Variants in GPR158 observed in about 807,000 individuals in gnomAD.
GPR158 encodes G protein-coupled receptor 158, also known as metabotropic glycine receptor.
In GPR158, 30 loss-of-function variants were observed where a neutral mutation model predicts 78.2. The ratio of observed to expected loss-of-function variants is 0.38; its 90% CI spans 0.29 to 0.52. The LOEUF (loss-of-function observed/expected upper bound fraction) is 0.52, where lower values mean the gene tolerates loss of function less well. GPR158 is among the 20% of genes least tolerant of loss of function. The pLI, the probability that GPR158 is intolerant of heterozygous loss-of-function variation, is 0.83. For synonymous variants in GPR158, 581 were observed against 591.1 expected (o/e 0.98, Z 0.25); for missense variants, 1,463 against 1,523.5 (o/e 0.96, Z 0.66).
In GPR158 at chr10:25,601,164, TTCA is replaced by T. The variant is rs1332252429; in HGVS notation, c.*1897_*1899del. The T allele has an allele frequency of 6.6e-6, 1 of 152,618 alleles. No individual in the cohort carries two copies. Among genetic ancestry groups the T allele is most frequent in the African/African-American group, 2.4e-5 (1 of 41,448 alleles). 9.5% of individuals were successfully genotyped at this position (152,618 alleles called of 1,614,324 possible). A position where few individuals can be genotyped will look rare whatever the true frequency, so the allele number is the denominator to read the frequency against. Reference sequence around the variant, plus strand: ...GAAGGTAAAAACAGAATTCTCCATATTCATCATCAAATTTTTCTCAGTGATTTT... The same window carrying T: ...GAAGGTAAAAACAGAATTCTCCATATTCATCAAATTTTTCTCAGTGATTTT... On this transcript the variant is annotated 3_prime_UTR_variant, in exon 11 of 11. Coordinates refer to ENST00000376351, the MANE Select transcript of GPR158 (RefSeq NM_020752.3).
At chr10:25,449,799 C>T (rs542359549) in intron 4 of GPR158, among the ~76,000 whole-genome samples, 1 of 152,228 alleles carries the variant, frequency 6.6e-6, no homozygotes, top group South Asian at 2.1e-4. Flanking sequence ...AGCCCTTCCT[C>T]AATGTATACA....
intron 2 of GPR158, among the ~76,000 whole-genome samples, chr10:25,294,255 A>G (rs578033): frequency 0.54 from 82,703 of 151,932 alleles, 23,498 homozygotes; most frequent in Non-Finnish European, 0.64. Flanking sequence ...TTTCTTTCAA[A>G]TAAAACATCT....
intron 5 of GPR158, among the ~76,000 whole-genome samples, chr10:25,541,882 G>A (rs997265994): frequency 4.1e-5 from 6 of 147,882 alleles, no homozygotes; most frequent in Non-Finnish European, 7.4e-5. Context: ...AGCAACTCTG[G>A]AAAATATTTG....
chr10:25,533,374 C>T (rs1836450849), intron 5 of GPR158, among the ~76,000 whole-genome samples: 2 of 152,160 alleles, frequency 1.3e-5, no homozygotes, highest in African/African-American at 4.8e-5. Context: ...TCAGTTTCTA[C>T]AAGAAAAACC....
At chr10:25,246,398 T>C (rs544206210) in intron 2 of GPR158, among the ~76,000 whole-genome samples, 270 of 152,254 alleles carry the variant, frequency 1.8e-3, no homozygotes, top group Non-Finnish European at 2.2e-3. Context: ...TACATGCTTT[T>C]CCCCCCTAAA....
chr10:25,568,520 A>G (rs890333900), intron 6 of GPR158, among the ~76,000 whole-genome samples: 1 of 152,200 alleles, frequency 6.6e-6, no homozygotes, highest in Non-Finnish European at 1.5e-5. Flanking sequence ...AGCCACACCA[A>G]AAGCTGGGGA....
chr10:25,399,761 A>C (rs1035889452), intron 3 of GPR158, among the ~76,000 whole-genome samples: 2 of 152,146 alleles, frequency 1.3e-5, no homozygotes, highest in Non-Finnish European at 2.9e-5. Flanking sequence ...AGAACTACTC[A>C]ATATTTTTTT....
intron 5 of GPR158, among the ~76,000 whole-genome samples, chr10:25,483,785 C>A (rs1264852818): frequency 6.6e-6 from 1 of 152,038 alleles, no homozygotes; most frequent in Admixed American, 6.6e-5. Context: ...ATAACAAATT[C>A]TTGTACCTTT....
At chr10:25,493,124 C>T (rs1835833765) in intron 5 of GPR158, among the ~76,000 whole-genome samples, 2 of 152,088 alleles carry the variant, frequency 1.3e-5, no homozygotes, top group Non-Finnish European at 1.5e-5. Flanking sequence ...AGGCCTTTCA[C>T]GAGAAGAGAG....
chr10:25,424,301 G>A (rs1834790531), intron 4 of GPR158, among the ~76,000 whole-genome samples: 1 of 152,118 alleles, frequency 6.6e-6, no homozygotes, highest in South Asian at 2.1e-4. Flanking sequence ...TGGGTAGACT[G>A]CAAAATTTTT....
chr10:25,310,624 TA>T (rs1854749343), intron 2 of GPR158, among the ~76,000 whole-genome samples: 2 of 152,224 alleles, frequency 1.3e-5, no homozygotes, highest in Admixed American at 6.5e-5. Context: ...CTTTATTTAT[TA>T]GGGGTGTTTG....
rs145115225 is a variant in GPR158 at position 25,509,012 on chromosome 10, C to T, written c.1405-41964C>T. 7.5e-3 allele frequency among the ~76,000 whole-genome samples: 1,135 copies of T among 152,236 alleles called. 56 individuals carry two copies. The highest frequency in any genetic ancestry group is 1.6e-3 in the Non-Finnish European group (107 of 68,004). On this transcript the variant is annotated intron_variant, in intron 5 of 10. Transcript: ENST00000376351. ...TCTATGTGCTCAAAGCTATTGGCCT[C>T]GTTCAAGGATTCTTAGCTTTGGCAC...
At chr10:25,401,852 C>T (rs2130536543) in intron 3 of GPR158, among the ~76,000 whole-genome samples, 1 of 151,594 alleles carries the variant, frequency 6.6e-6, no homozygotes, top group East Asian at 1.9e-4. Context: ...TTCTTTTTTC[C>T]CTAAGTAAAA....
chr10:25,573,690 G>C (rs1255071988), intron 7 of GPR158, among the ~76,000 whole-genome samples: 2 of 152,160 alleles, frequency 1.3e-5, no homozygotes, highest in African/African-American at 4.8e-5. Flanking sequence ...ATTGTATTTG[G>C]CAGATATAAA....
intron 7 of GPR158, among the ~76,000 whole-genome samples, chr10:25,575,822 T>C (rs1429542345): frequency 6.6e-6 from 1 of 151,604 alleles, no homozygotes; most frequent in Non-Finnish European, 1.5e-5. Context: ...AGCCATAACG[T>C]AGAAATGTCT....
chr10:25,504,470 G>A (rs574035966), intron 5 of GPR158, among the ~76,000 whole-genome samples: 1 of 152,200 alleles, frequency 6.6e-6, no homozygotes, highest in East Asian at 1.9e-4. Context: ...TTACTTCCTA[G>A]CCTTTGGCTA....
chr10:25,580,833 C>A, intron 7 of GPR158, among the ~76,000 whole-genome samples: 1 of 152,162 alleles, frequency 6.6e-6, no homozygotes. Context: ...TCAAGCCATT[C>A]TTCTGCCTCA....
intron 2 of GPR158, among the ~76,000 whole-genome samples, chr10:25,382,809 CATTT>C (rs1834173302): frequency 6.6e-6 from 1 of 152,016 alleles, no homozygotes; most frequent in Admixed American, 6.6e-5. Context: ...CAGATTCATT[CATTT>C]ATTTATTTTA....
intron 6 of GPR158, among the ~76,000 whole-genome samples, chr10:25,561,719 A>G (rs973842477): frequency 8.4e-5 from 7 of 83,666 alleles, no homozygotes; most frequent in Non-Finnish European, 1.8e-4. Flanking sequence ...ATGCTTAGTT[A>G]ATATTAAGGT....
Sources: allele counts gnomAD v4.1 joint callset (sites outside exome capture counted in the v4.1 genomes callset), GRCh38; gene constraint gnomAD v4.1.1; transcripts MANE v1.5; gene names NCBI Gene and HGNC (gene_info 2026-07-23, HGNC 2026-07-21).